Variants in YEATS2 observed in about 807,000 individuals in gnomAD.
The protein encoded by YEATS2 is YEATS domain-containing protein 2.
In YEATS2, 77 loss-of-function variants were observed where a neutral mutation model predicts 163.2. The ratio of observed to expected loss-of-function variants is 0.47; its 90% CI spans 0.39 to 0.57. The LOEUF (loss-of-function observed/expected upper bound fraction) is 0.57, where lower values mean the gene tolerates loss of function less well. Ranked by LOEUF, YEATS2 falls within the 20% of genes least tolerant of loss-of-function variation. The pLI is 0.00. For synonymous variants in YEATS2, 631 were observed against 645.1 expected, an observed-to-expected ratio of 0.98 and a Z score of 0.33; for missense variants, 1,549 against 1,729.8, an observed-to-expected ratio of 0.90 and a Z score of 1.85.
intron 2 of YEATS2, among the ~76,000 whole-genome samples, chr3:183,716,153 G>T (rs1577046401): frequency 6.6e-6 from 1 of 152,040 alleles, no homozygotes; most frequent in African/African-American, 2.4e-5. Context: ...TAGAGACGGG[G>T]TTTCACCGTG....
intron 8 of YEATS2, among the ~76,000 whole-genome samples, chr3:183,740,215 A>G (rs1445500150): frequency 6.6e-6 from 1 of 151,576 alleles, no homozygotes; most frequent in African/African-American, 2.4e-5. Context: ...TCATCTGACA[A>G]AGGGCTAATA....
At position 183,809,087 on chromosome 3, in the gene YEATS2, T is replaced by C. The variant is rs772688276; in HGVS notation, c.4087-10T>C. On this transcript the variant is annotated splice_polypyrimidine_tract_variant and intron_variant, in intron 29 of 30. Coordinates refer to ENST00000305135, the MANE Select transcript of YEATS2 (RefSeq NM_018023.5). ...GGCCATTTGAAGAATAACAGCATCT[T>C]CCATTGTAGGCTACAGAACAGCTGG... The C allele has an allele frequency of 3.7e-6, 6 of 1,614,064 alleles. No homozygotes were observed. In the South Asian group the frequency reaches 5.5e-5, roughly 15 times the overall value.
intron 15 of YEATS2, among the ~76,000 whole-genome samples, chr3:183,765,660 A>G (rs758437225): frequency 1.3e-5 from 2 of 152,188 alleles, no homozygotes; most frequent in African/African-American, 2.4e-5. Context: ...ACTATGCCAG[A>G]GAACAGGCTG....
At chr3:183,753,990 G>A in intron 10 of YEATS2, 136 bp from the exon 11 acceptor site, 1 of 1,092,494 alleles carries the variant, frequency 9.2e-7, no homozygotes, top group South Asian at 2.5e-5. Context: ...AGGGATGATT[G>A]ATTGTATTTA....
chr3:183,723,684 G>C (rs770524030), intron 5 of YEATS2, among the ~76,000 whole-genome samples: 8 of 152,130 alleles, frequency 5.3e-5, no homozygotes, highest in Non-Finnish European at 1.0e-4. Flanking sequence ...GAGCCCAAGT[G>C]GGGGATCACC....
Position 183,810,520 on chromosome 3 carries a change from C to T in YEATS2, c.4206C>T (p.Cys1402=), listed in dbSNP as rs1386815952. The T allele has an allele frequency of 3.1e-6, 5 of 1,614,084 alleles. No homozygotes were observed. Among genetic ancestry groups the T allele is most frequent in the Non-Finnish European group, 3.4e-6 (4 of 1,180,044 alleles). The stretch of plus-strand genomic sequence containing the variant: ...TGAGTAATATTCACCAGGCCATTTG[C>T]AACATTCCTTTTCTGGACTTCCTCA... The part of the protein sequence containing the change: ...ITVSNIHQAI[C]NIPFLDFLTN... Residue 1402 remains cysteine (C), a synonymous_variant, in exon 31 of 31, where the codon TGC becomes TGT. Transcript: ENST00000305135.
intron 15 of YEATS2, among the ~76,000 whole-genome samples, chr3:183,770,434 A>G (rs1722345372): frequency 6.6e-6 from 1 of 152,214 alleles, no homozygotes; most frequent in Non-Finnish European, 1.5e-5. Context: ...AATATGCTTT[A>G]TCATTTCATT....
At position 183,798,974 on chromosome 3, in the gene YEATS2, G is replaced by C. The variant is rs189373768; in HGVS notation, c.3310G>C (p.Ala1104Pro). 1 of 1,613,858 alleles carries C rather than the reference G, an allele frequency of 6.2e-7. No individual in the cohort carries two copies. The highest frequency in any genetic ancestry group is 8.5e-7 in the Non-Finnish European group (1 of 1,179,758). The change falls in exon 23 of 31, where the codon GCA becomes CCA. Residue 1104 changes from alanine (A) to proline (P), a missense_variant. Transcript: ENST00000305135. Reference sequence around the variant, plus strand: ...TCCAGTTGTCCCCAGCTCTGCTCCAGCAGCTGTTGCAAAAGGTACGTAGGA... The same window carrying C: ...TCCAGTTGTCCCCAGCTCTGCTCCACCAGCTGTTGCAAAAGGTACGTAGGA... ...PTPVVPSSAP[A>P]AVAKVKTEPE...
chr3:183,749,748 A>G (rs1386299588), intron 9 of YEATS2, among the ~76,000 whole-genome samples: 1 of 152,030 alleles, frequency 6.6e-6, no homozygotes, highest in Non-Finnish European at 1.5e-5. Flanking sequence ...ATCTGTCCTT[A>G]GCCTGTCAGG....
intron 1 of YEATS2, among the ~76,000 whole-genome samples, chr3:183,713,798 G>A (rs551915896): frequency 2.5e-4 from 38 of 152,154 alleles, no homozygotes; most frequent in Non-Finnish European, 4.0e-4. Context: ...TACTAGCTAC[G>A]GTGACTCTCG....
intron 6 of YEATS2, among the ~76,000 whole-genome samples, chr3:183,728,447 A>G (rs1717359198): frequency 1.3e-5 from 2 of 152,222 alleles, no homozygotes; most frequent in Admixed American, 6.5e-5. Flanking sequence ...CTCCCGTTTC[A>G]GCCTCCTGAA....
At chr3:183,761,210 C>A (rs1191505181) in intron 13 of YEATS2, among the ~76,000 whole-genome samples, 2 of 151,988 alleles carry the variant, frequency 1.3e-5, no homozygotes, top group Admixed American at 1.3e-4. Flanking sequence ...GCCTCAGCCT[C>A]CCAAGTAGCT....
At chr3:183,717,041 C>A (rs1715964315) in intron 2 of YEATS2, among the ~76,000 whole-genome samples, 1 of 151,968 alleles carries the variant, frequency 6.6e-6, no homozygotes, top group African/African-American at 2.4e-5. Flanking sequence ...TACAGGTACC[C>A]CCCACTACGC....
At chr3:183,731,061 G>C (rs1247749516) in intron 7 of YEATS2, among the ~76,000 whole-genome samples, 1 of 152,082 alleles carries the variant, frequency 6.6e-6, no homozygotes, top group Non-Finnish European at 1.5e-5. Flanking sequence ...CAGCACTTTC[G>C]GAGGCTGAGG....
chr3:183,726,125 T>G (rs1717071989), intron 6 of YEATS2, among the ~76,000 whole-genome samples: 1 of 151,868 alleles, frequency 6.6e-6, no homozygotes, highest in South Asian at 2.1e-4. Flanking sequence ...TGAACCAAGG[T>G]CCAGAGATTG....
chr3:183,762,000 CATT>C, intron 14 of YEATS2, 94 bp from the exon 15 acceptor site: 9 of 1,509,436 alleles, frequency 6.0e-6, no homozygotes. Context: ...TTCATCAATT[CATT>C]AATCCCTGCA....
intron 15 of YEATS2, among the ~76,000 whole-genome samples, chr3:183,766,290 C>T (rs951863536): frequency 6.6e-6 from 1 of 152,204 alleles, no homozygotes; most frequent in African/African-American, 2.4e-5. Flanking sequence ...CTACCTAGCA[C>T]AGAGCAAGTG....
chr3:183,750,552 C>T (rs1022518956), intron 9 of YEATS2, among the ~76,000 whole-genome samples: 7 of 152,178 alleles, frequency 4.6e-5, no homozygotes, highest in Admixed American at 2.6e-4. Flanking sequence ...ACAGTGCACA[C>T]GTATTCCAGT....
At chr3:183,708,888 G>A (rs1378815993) in intron 1 of YEATS2, among the ~76,000 whole-genome samples, 9 of 151,830 alleles carry the variant, frequency 5.9e-5, no homozygotes, top group East Asian at 1.9e-4. Context: ...TTGGCCAGGC[G>A]CGGTGGCTCA....
Sources: gnomAD v4.1 joint callset for allele counts (sites outside exome capture counted in the v4.1 genomes callset) on GRCh38, gnomAD v4.1.1 for gene constraint, MANE v1.5 for transcripts, NCBI Gene and HGNC (gene_info 2026-07-23, HGNC 2026-07-21) for gene names.